Variants in SPOCK3 observed in about 807,000 individuals in gnomAD.
SPOCK3 encodes the protein testican-3.
SPOCK3 carries 30 observed loss-of-function variants against 56.6 expected under a neutral mutation model. That is an observed-to-expected ratio of 0.53 (90% CI 0.40 to 0.72). The LOEUF (loss-of-function observed/expected upper bound fraction) is 0.72, where lower values mean the gene tolerates loss of function less well. SPOCK3 is among the 30% of genes least tolerant of loss of function. SPOCK3 has a pLI of 0.00. For missense variants in SPOCK3, 527 were observed against 530.0 expected (o/e 0.99, Z 0.06); for synonymous variants, 196 against 183.3 (o/e 1.07, Z -0.56).
At chr4:167,051,640 G>T in intron 3 of SPOCK3, among the ~76,000 whole-genome samples, 1 of 152,162 alleles carries the variant, frequency 6.6e-6, no homozygotes. Context: ...TTAGAGTGAG[G>T]GTTGACATTT....
intron 4 of SPOCK3, among the ~76,000 whole-genome samples, chr4:166,952,597 T>C (rs1456562707): frequency 2.6e-5 from 4 of 152,116 alleles, no homozygotes; most frequent in Admixed American, 1.3e-4. Flanking sequence ...AAAGTTCATA[T>C]GGAACCAAAA....
At chr4:166,941,432 T>C (rs17052679) in intron 4 of SPOCK3, among the ~76,000 whole-genome samples, 7,815 of 152,296 alleles carry the variant, frequency 0.051, 653 homozygotes, top group African/African-American at 0.18. Flanking sequence ...TCAATTGCAG[T>C]ATTATTCCTT....
At chr4:167,085,921 A>G (rs1324783068) in intron 2 of SPOCK3, among the ~76,000 whole-genome samples, 1 of 152,080 alleles carries the variant, frequency 6.6e-6, no homozygotes, top group Non-Finnish European at 1.5e-5. Context: ...GTACTTAATA[A>G]TAAACATCCA....
intron 2 of SPOCK3, among the ~76,000 whole-genome samples, chr4:167,217,408 TA>T (rs1259581032): frequency 2.0e-5 from 3 of 152,022 alleles, no homozygotes; most frequent in Non-Finnish European, 4.4e-5. Context: ...GTAAAGCAAC[TA>T]TTTACATAGC....
chr4:167,223,707 G>C (rs1736302175), intron 2 of SPOCK3, among the ~76,000 whole-genome samples: 1 of 151,998 alleles, frequency 6.6e-6, no homozygotes, highest in Non-Finnish European at 1.5e-5. Context: ...CCCAGCACTT[G>C]AGGAGGCCAA....
At chr4:167,173,516 A>T (rs1460541656) in intron 2 of SPOCK3, among the ~76,000 whole-genome samples, 1 of 152,152 alleles carries the variant, frequency 6.6e-6, no homozygotes, top group Admixed American at 6.6e-5. Flanking sequence ...ACATCCTGCT[A>T]GTAAATTTCT....
At chr4:166,843,627 G>A (rs193298008) in intron 6 of SPOCK3, among the ~76,000 whole-genome samples, 6 of 152,248 alleles carry the variant, frequency 3.9e-5, no homozygotes, top group South Asian at 2.1e-4. Context: ...ACTCCCACAC[G>A]ACCCTAGCCC....
intron 7 of SPOCK3, among the ~76,000 whole-genome samples, chr4:166,764,364 T>A (rs1030931569): frequency 1.3e-4 from 20 of 151,900 alleles, no homozygotes; most frequent in Non-Finnish European, 2.8e-4. Context: ...CAACAGGCCC[T>A]GGTGTGTGAT....
At chr4:167,149,075 A>G (rs1764199993) in intron 2 of SPOCK3, among the ~76,000 whole-genome samples, 1 of 152,174 alleles carries the variant, frequency 6.6e-6, no homozygotes, top group Admixed American at 6.5e-5. Context: ...AATAATGCAT[A>G]TAGGAAATTA....
rs75617799 is a variant in SPOCK3, at chr4:166,899,242, ATATCTATCTATC to A, written c.475-10010_475-9999del. Among the ~76,000 whole-genome samples the A allele has an allele frequency of 2.6e-3, 300 of 117,336 alleles. 3 individuals are homozygous for A. The highest frequency in any genetic ancestry group is 4.8e-3 in the African/African-American group (154 of 32,078). The allele number at this position is 117,336 out of a possible 152,430, so 77.0% of individuals were successfully genotyped here. A position where few individuals can be genotyped will look rare whatever the true frequency, so the allele number is the denominator to read the frequency against. ...CTCAATTCCTATAATAAATCTCCTCATATCTATCTATCTATCTATCTATCTATCTATCTATCT... is the reference window on the plus strand; with the variant it reads ...CTCAATTCCTATAATAAATCTCCTCATATCTATCTATCTATCTATCTATCT... On this transcript the variant is annotated intron_variant, in intron 5 of 10. Coordinates refer to ENST00000357545, the MANE Select transcript of SPOCK3 (RefSeq NM_001040159.2).
intron 3 of SPOCK3, among the ~76,000 whole-genome samples, chr4:167,033,052 C>A (rs1752420500): frequency 6.6e-6 from 1 of 151,918 alleles, no homozygotes; most frequent in African/African-American, 2.4e-5. Flanking sequence ...ATTATTGCCA[C>A]TGTGATTTAA....
At chr4:167,143,405 T>C (rs1763688440) in intron 2 of SPOCK3, among the ~76,000 whole-genome samples, 1 of 152,014 alleles carries the variant, frequency 6.6e-6, no homozygotes, top group African/African-American at 2.4e-5. Flanking sequence ...TGTGATAATA[T>C]TTTTTATTAC....
At chr4:167,103,445 C>T (rs776041719) in intron 2 of SPOCK3, among the ~76,000 whole-genome samples, 1 of 152,146 alleles carries the variant, frequency 6.6e-6, no homozygotes, top group African/African-American at 2.4e-5. Flanking sequence ...CCTATGGGAG[C>T]ATCAGCACTA....
At chr4:166,836,489 T>C (rs1315866367) in intron 6 of SPOCK3, among the ~76,000 whole-genome samples, 1 of 152,234 alleles carries the variant, frequency 6.6e-6, no homozygotes, top group Non-Finnish European at 1.5e-5. Context: ...GGAAATTTTG[T>C]TGTTGCTTTA....
chr4:167,009,266 T>G (rs115911989), intron 3 of SPOCK3, among the ~76,000 whole-genome samples: 2,457 of 152,220 alleles, frequency 0.016, 59 homozygotes, highest in African/African-American at 0.055. Context: ...TCTTGGGTAA[T>G]GCAAAGAAAA....
At chr4:166,850,472 G>A (rs952866894) in intron 6 of SPOCK3, among the ~76,000 whole-genome samples, 1 of 152,230 alleles carries the variant, frequency 6.6e-6, no homozygotes, top group African/African-American at 2.4e-5. Context: ...AGCCAAGGTG[G>A]CCGAATAGGA....
chr4:166,766,232 G>C (rs941292083), intron 7 of SPOCK3, among the ~76,000 whole-genome samples: 3 of 152,202 alleles, frequency 2.0e-5, no homozygotes, highest in African/African-American at 7.2e-5. Flanking sequence ...ATGTTGAATA[G>C]GAGTGGTGAG....
intron 3 of SPOCK3, among the ~76,000 whole-genome samples, chr4:167,061,212 C>T (rs192587530): frequency 6.6e-6 from 1 of 151,898 alleles, no homozygotes; most frequent in East Asian, 1.9e-4. Context: ...ATGACAAATT[C>T]CATAGCTAAC....
At chr4:167,019,563 T>G (rs1429113965) in intron 3 of SPOCK3, among the ~76,000 whole-genome samples, 1 of 151,888 alleles carries the variant, frequency 6.6e-6, no homozygotes, top group Admixed American at 6.6e-5. Flanking sequence ...CTACAAAGTA[T>G]GCAGTTTTCT....
Sources: allele counts gnomAD v4.1 joint callset (sites outside exome capture counted in the v4.1 genomes callset), GRCh38; gene constraint gnomAD v4.1.1; transcripts MANE v1.5; gene names NCBI Gene and HGNC (gene_info 2026-07-23, HGNC 2026-07-21).